Variants in RAP1B observed in about 807,000 individuals in gnomAD.
The protein encoded by RAP1B is RAP1B, member of RAS oncogene family.
RAP1B carries 1 observed loss-of-function variant against 27.5 expected under a neutral mutation model. That is an observed-to-expected ratio of 0.04 (90% CI 0.01 to 0.17). RAP1B has a LOEUF of 0.17. RAP1B is among the 10% of genes least tolerant of loss of function. The pLI is 1.00. For missense variants in RAP1B, 84 were observed against 214.8 expected, an observed-to-expected ratio of 0.39 and a Z score of 3.81; for synonymous variants, 75 against 73.1, an observed-to-expected ratio of 1.03 and a Z score of -0.13.
intron 1 of RAP1B, among the ~76,000 whole-genome samples, chr12:68,621,708 TAAACTC>T (rs1262245383): frequency 6.6e-6 from 1 of 152,252 alleles, no homozygotes; most frequent in Non-Finnish European, 1.5e-5. Flanking sequence ...ACAGGAATGA[TAAACTC>T]AACATTGAAA....
At chr12:68,652,662 A>C (rs1873900278) in intron 4 of RAP1B, among the ~76,000 whole-genome samples, 1 of 151,854 alleles carries the variant, frequency 6.6e-6, no homozygotes, top group Non-Finnish European at 1.5e-5. Context: ...TAAAAATATA[A>C]AAAAAATTAG....
chr12:68,636,329 T>A (rs1872629781), intron 1 of RAP1B, among the ~76,000 whole-genome samples: 1 of 152,216 alleles, frequency 6.6e-6, no homozygotes, highest in Non-Finnish European at 1.5e-5. Flanking sequence ...TATGAGCAAT[T>A]GTCTCTGGAA....
chr12:68,622,027 T>C (rs1871420164), intron 1 of RAP1B, among the ~76,000 whole-genome samples: 2 of 152,346 alleles, frequency 1.3e-5, no homozygotes, highest in South Asian at 4.1e-4. Context: ...TTAGACCTTT[T>C]ATTGTACTCT....
At chr12:68,634,117 A>G (rs1180446563) in intron 1 of RAP1B, among the ~76,000 whole-genome samples, 3 of 152,198 alleles carry the variant, frequency 2.0e-5, no homozygotes, top group Non-Finnish European at 4.4e-5. Flanking sequence ...GCTACCTATT[A>G]AAATAATATG....
At chr12:68,614,079 T>A (rs950813539) in intron 1 of RAP1B, among the ~76,000 whole-genome samples, 2 of 152,252 alleles carry the variant, frequency 1.3e-5, no homozygotes, top group Admixed American at 1.3e-4. Flanking sequence ...GGAAGGTCTA[T>A]GCAAAGATTG....
intron 1 of RAP1B, among the ~76,000 whole-genome samples, chr12:68,619,313 T>G (rs941075394): frequency 2.0e-5 from 3 of 152,198 alleles, no homozygotes; most frequent in Admixed American, 6.5e-5. Context: ...TGGTCGATGA[T>G]AAAGTTCCTA....
At chr12:68,644,610 C>T (rs1441946068) in intron 1 of RAP1B, among the ~76,000 whole-genome samples, 1 of 149,738 alleles carries the variant, frequency 6.7e-6, no homozygotes. Context: ...CAGTGATTCT[C>T]AACTGAAGGA....
chr12:68,656,464 A>G lies in RAP1B; in HGVS notation c.468+15A>G. 6.3e-7 allele frequency: 1 copy of G among 1,597,656 alleles called. No homozygotes were observed. On this transcript the variant is annotated intron_variant, in intron 6 of 7. Transcript: ENST00000250559. ...ATGTTAATGAGGTATGGTCAAATATACTTAAAATGGGTCTTCATTTGAAGT... is the reference window on the plus strand; with the variant it reads ...ATGTTAATGAGGTATGGTCAAATATGCTTAAAATGGGTCTTCATTTGAAGT...
At chr12:68,656,243 T>G in intron 5 of RAP1B, 63 bp from the exon 6 acceptor site, 2 of 1,413,306 alleles carry the variant, frequency 1.4e-6, no homozygotes, top group Non-Finnish European at 2.0e-6. Context: ...TTAGAATTCT[T>G]TTGATTTGAA....
At chr12:68,649,214 T>G (rs551926356) in intron 2 of RAP1B, 251 of 154,700 alleles carry the variant, frequency 1.6e-3, no homozygotes, top group Non-Finnish European at 2.9e-3. Context: ...CAGGCTAATT[T>G]TTAAAATTTT....
At chr12:68,644,814 G>A (rs530413996) in intron 1 of RAP1B, among the ~76,000 whole-genome samples, 30 of 147,442 alleles carry the variant, frequency 2.0e-4, no homozygotes, top group Middle Eastern at 3.8e-3. Flanking sequence ...TCAGCCTTCC[G>A]AGTAAGTAGG....
At chr12:68,632,630 G>A (rs573532024) in intron 1 of RAP1B, among the ~76,000 whole-genome samples, 3 of 152,004 alleles carry the variant, frequency 2.0e-5, no homozygotes, top group African/African-American at 7.3e-5. Flanking sequence ...CAGTAGGTTT[G>A]GTTTATGGTT....
At chr12:68,629,871 A>T (rs1233022092) in intron 1 of RAP1B, among the ~76,000 whole-genome samples, 1 of 152,172 alleles carries the variant, frequency 6.6e-6, no homozygotes, top group Admixed American at 6.5e-5. Flanking sequence ...ATTTGTTTTG[A>T]GGGGGTTGTT....
chr12:68,637,084 A>G (rs1317895944), intron 1 of RAP1B, among the ~76,000 whole-genome samples: 2 of 152,228 alleles, frequency 1.3e-5, no homozygotes, highest in Non-Finnish European at 2.9e-5. Context: ...CTCTTCTTTT[A>G]AAAGTCTATA....
intron 1 of RAP1B, among the ~76,000 whole-genome samples, chr12:68,641,700 AACT>A (rs1873016079): frequency 6.6e-6 from 1 of 152,160 alleles, no homozygotes; most frequent in Non-Finnish European, 1.5e-5. Context: ...TAATACTAAA[AACT>A]ACCCAAAAAA....
chr12:68,627,409 A>G (rs372390122), intron 1 of RAP1B: 1 of 519,436 alleles, frequency 1.9e-6, no homozygotes, highest in South Asian at 2.0e-5. Flanking sequence ...AATATACCCA[A>G]TCCCTACTAG....
chr12:68,612,950 C>G (rs1870710730), intron 1 of RAP1B, among the ~76,000 whole-genome samples: 1 of 152,184 alleles, frequency 6.6e-6, no homozygotes. Flanking sequence ...TAAAGTAAAT[C>G]ATTGGAACAC....
At chr12:68,629,185 C>G (rs887519960) in intron 1 of RAP1B, among the ~76,000 whole-genome samples, 4 of 152,108 alleles carry the variant, frequency 2.6e-5, no homozygotes, top group Admixed American at 2.0e-4. Context: ...CACAATGTTT[C>G]CCAGTCTGGT....
At chr12:68,614,271 TTTAC>T in intron 1 of RAP1B, among the ~76,000 whole-genome samples, 1 of 152,356 alleles carries the variant, frequency 6.6e-6, no homozygotes, top group South Asian at 2.1e-4. Context: ...AAGGTGTCCA[TTTAC>T]TTTTTCCCCA....
Sources: allele counts gnomAD v4.1 joint callset (sites outside exome capture counted in the v4.1 genomes callset), GRCh38; gene constraint gnomAD v4.1.1; transcripts MANE v1.5; gene names NCBI Gene and HGNC (gene_info 2026-07-23, HGNC 2026-07-21).